Variants in SLC22A14 observed in about 807,000 individuals in gnomAD.
SLC22A14 encodes solute carrier family 22 member 14.
In SLC22A14, 50 loss-of-function variants were observed where a neutral mutation model predicts 53.9. That is an observed-to-expected ratio of 0.93 (90% CI 0.74 to 1.17). SLC22A14 has a LOEUF of 1.17. Among genes scored for constraint, SLC22A14 ranks in the 50% most tolerant of loss-of-function variants. SLC22A14 has a pLI of 0.00. For missense variants in SLC22A14, 671 were observed against 734.7 expected (o/e 0.91, Z 1.00); for synonymous variants, 312 against 303.0 (o/e 1.03, Z -0.31).
upstream of SLC22A14, among the ~76,000 whole-genome samples, chr3:38,280,766 ATTACAGG>A (rs1201370703): frequency 1.3e-5 from 2 of 152,112 alleles, no homozygotes; most frequent in East Asian, 3.9e-4. Flanking sequence ...AGTAACTGGG[ATTACAGG>A]TGTGCGCCAC....
chr3:38,306,940 G>C (rs1039648108), intron 2 of SLC22A14, among the ~76,000 whole-genome samples: 2 of 152,214 alleles, frequency 1.3e-5, no homozygotes, highest in African/African-American at 2.4e-5. Flanking sequence ...GCATGAATCT[G>C]CAGGTTGGGC....
intron 2 of SLC22A14, 54 bp downstream of exon 2, chr3:38,306,596 T>C: frequency 6.6e-7 from 1 of 1,507,766 alleles, no homozygotes; most frequent in Non-Finnish European, 9.0e-7. Flanking sequence ...GAGTTGTGCC[T>C]CCCACCCTCA....
intron 1 of SLC22A14, among the ~76,000 whole-genome samples, chr3:38,295,561 G>A (rs573293093): frequency 3.3e-5 from 5 of 152,164 alleles, no homozygotes; most frequent in African/African-American, 1.2e-4. Flanking sequence ...TAGTATTGGA[G>A]TGTTATAGGG....
At chr3:38,291,570 C>A (rs1004367275) in intron 1 of SLC22A14, among the ~76,000 whole-genome samples, 3 of 152,264 alleles carry the variant, frequency 2.0e-5, no homozygotes, top group Non-Finnish European at 4.4e-5. Context: ...ACTGCTACTG[C>A]CGCCACTACC....
At chr3:38,280,333 C>T (rs75453403), upstream of SLC22A14, among the ~76,000 whole-genome samples, 520 of 152,274 alleles carry the variant, frequency 3.4e-3, 12 homozygotes, top group East Asian at 0.055. Flanking sequence ...CTCAAAAACC[C>T]GGTGTCATCA....
At chr3:38,279,606 G>A (rs1168101433), upstream of SLC22A14, among the ~76,000 whole-genome samples, 1 of 151,744 alleles carries the variant, frequency 6.6e-6, no homozygotes, top group Non-Finnish European at 1.5e-5. Context: ...TTTCCTTTTT[G>A]GGGGGATTAT....
At chr3:38,304,533 ACAT>A (rs1704250327) in intron 1 of SLC22A14, among the ~76,000 whole-genome samples, 1 of 152,006 alleles carries the variant, frequency 6.6e-6, no homozygotes, top group Non-Finnish European at 1.5e-5. Flanking sequence ...GACTACAGGC[ACAT>A]GCCACCAAGC....
chr3:38,292,210 C>T (rs1467271986), intron 1 of SLC22A14, among the ~76,000 whole-genome samples: 1 of 152,208 alleles, frequency 6.6e-6, no homozygotes, highest in Non-Finnish European at 1.5e-5. Context: ...AAGTCTTGGG[C>T]TAATGCCTGG....
upstream of SLC22A14, among the ~76,000 whole-genome samples, chr3:38,280,837 C>A (rs910854191): frequency 6.6e-6 from 1 of 152,206 alleles, no homozygotes; most frequent in African/African-American, 2.4e-5. Flanking sequence ...GCCATGTTGG[C>A]CAGGCTGGTC....
At chr3:38,317,608 C>T (rs1018581543) in intron 10 of SLC22A14, among the ~76,000 whole-genome samples, 2 of 152,212 alleles carry the variant, frequency 1.3e-5, no homozygotes, top group African/African-American at 4.8e-5. Flanking sequence ...TTCCATGTGC[C>T]GCAACTTCCT....
At chr3:38,285,564 T>G (rs1022737669) in intron 1 of SLC22A14, among the ~76,000 whole-genome samples, 18 of 152,226 alleles carry the variant, frequency 1.2e-4, no homozygotes, top group African/African-American at 4.1e-4. Flanking sequence ...TTTCTGAGGC[T>G]TACTTTTTTC....
chr3:38,312,433 T>C (rs1042406588), intron 5 of SLC22A14, among the ~76,000 whole-genome samples: 1 of 152,300 alleles, frequency 6.6e-6, no homozygotes, highest in East Asian at 1.9e-4. Context: ...AGAGGAGTTA[T>C]TCTGAAGTCA....
Position 38,307,676 on chromosome 3 carries a change from T to C in SLC22A14, c.731T>C (p.Ile244Thr), listed in dbSNP as rs556532794. The change falls in exon 4 of 11, where the codon ATC becomes ACC. Residue 244 changes from isoleucine (I) to threonine (T), a missense_variant. By Grantham distance (89) the Ile-to-Thr change is moderately conservative. Coordinates refer to ENST00000448498, the MANE Select transcript of SLC22A14 (RefSeq NM_001320033.2). This position sits in a 1 kb window ranked among gnomAD's most constrained non-coding sequence, Gnocchi z 4.4. ...FHLYLFFRFG[I>T]SQSVVGYAIS... ...CTGTATTTGTTCTTTCGCTTTGGCATCTCGCAGTCAGTGGTGGGCTACGCC... is the reference window on the plus strand; with the variant it reads ...CTGTATTTGTTCTTTCGCTTTGGCACCTCGCAGTCAGTGGTGGGCTACGCC... 9 of 1,614,218 alleles carry C rather than the reference T, an allele frequency of 5.6e-6. No individual in the cohort carries two copies. In the African/African-American group the frequency reaches 6.7e-5, roughly 12 times the overall value.
intron 1 of SLC22A14, among the ~76,000 whole-genome samples, chr3:38,287,458 T>G (rs887445381): frequency 8.5e-5 from 13 of 152,208 alleles, no homozygotes; most frequent in Non-Finnish European, 1.8e-4. Flanking sequence ...GCTGGAATTT[T>G]TGTTTATGAT....
intron 1 of SLC22A14, among the ~76,000 whole-genome samples, chr3:38,286,030 T>G (rs904253976): frequency 2.6e-5 from 4 of 152,122 alleles, no homozygotes; most frequent in Admixed American, 6.5e-5. Flanking sequence ...GTTGGGAGTT[T>G]AAGACCAGCC....
chr3:38,294,675 C>A (rs149751), intron 1 of SLC22A14, among the ~76,000 whole-genome samples: 1 of 152,062 alleles, frequency 6.6e-6, no homozygotes, highest in Non-Finnish European at 1.5e-5. Context: ...ACCCATGGAC[C>A]TCTGCTTATT....
At chr3:38,304,153 T>C (rs1173347203) in intron 1 of SLC22A14, among the ~76,000 whole-genome samples, 1 of 150,210 alleles carries the variant, frequency 6.7e-6, no homozygotes, top group Non-Finnish European at 1.5e-5. Context: ...ATCACACTAC[T>C]GCACTCCAGC....
At chr3:38,297,062 A>C (rs1436147281) in intron 1 of SLC22A14, among the ~76,000 whole-genome samples, 1 of 152,222 alleles carries the variant, frequency 6.6e-6, no homozygotes, top group African/African-American at 2.4e-5. Flanking sequence ...GGACCCAAAG[A>C]GGGTAGCCGT....
intron 1 of SLC22A14, among the ~76,000 whole-genome samples, chr3:38,291,854 T>A (rs1378855217): frequency 6.6e-6 from 1 of 152,234 alleles, no homozygotes; most frequent in African/African-American, 2.4e-5. Flanking sequence ...TTAGTGTATA[T>A]AATGGCCTGG....
Sources: allele counts gnomAD v4.1 joint callset (sites outside exome capture counted in the v4.1 genomes callset), GRCh38; gene constraint gnomAD v4.1.1; non-coding constraint Gnocchi (gnomAD v3.1); transcripts MANE v1.5; gene names NCBI Gene and HGNC (gene_info 2026-07-23, HGNC 2026-07-21).